NCOR2: variants seen among roughly 807,000 people sequenced by gnomAD.
NCOR2 encodes the protein CTG repeat protein 26.
In NCOR2, 81 loss-of-function variants were observed where a neutral mutation model predicts 262.9. The observed-to-expected ratio is 0.31, with a 90% CI of 0.26 to 0.37. The LOEUF is 0.37. Ranked by LOEUF, NCOR2 falls within the 10% of genes least tolerant of loss-of-function variation. The pLI is 1.00. For synonymous variants in NCOR2, 1,659 were observed against 1,559.3 expected, an observed-to-expected ratio of 1.06 and a Z score of -1.51; for missense variants, 3,385 against 3,621.4, an observed-to-expected ratio of 0.93 and a Z score of 1.68.
intron 17 of NCOR2, among the ~76,000 whole-genome samples, chr12:124,379,154 G>A (rs2040232666): frequency 6.6e-6 from 1 of 151,898 alleles, no homozygotes; most frequent in Admixed American, 6.5e-5. Context: ...AGTGGCAGGT[G>A]CGGGGAGTCA....
intron 3 of NCOR2, among the ~76,000 whole-genome samples, chr12:124,480,103 C>G (rs551124179): frequency 6.6e-6 from 1 of 152,200 alleles, no homozygotes; most frequent in African/African-American, 2.4e-5. Flanking sequence ...AGGGGTCAAC[C>G]ATTCAATCCA....
intron 5 of NCOR2, among the ~76,000 whole-genome samples, chr12:124,463,425 T>C (rs1374853175): frequency 6.6e-6 from 1 of 152,244 alleles, no homozygotes; most frequent in Non-Finnish European, 1.5e-5. Context: ...GCTCTCAGGC[T>C]GCAGCCACCC....
chr12:124,370,040 CAT>C (rs1194842594), intron 20 of NCOR2, among the ~76,000 whole-genome samples: 3 of 152,310 alleles, frequency 2.0e-5, no homozygotes, highest in East Asian at 3.9e-4. Context: ...AAGGCAGAAA[CAT>C]GTGTTTCTAT....
At chr12:124,374,107 TG>T (rs1269857622) in intron 19 of NCOR2, among the ~76,000 whole-genome samples, 3 of 152,082 alleles carry the variant, frequency 2.0e-5, no homozygotes, top group Non-Finnish European at 4.4e-5. Flanking sequence ...TTCTGTAAAA[TG>T]GGGATACTTG....
At chr12:124,526,268 C>G (rs1238326700) in intron 1 of NCOR2, among the ~76,000 whole-genome samples, 5 of 152,160 alleles carry the variant, frequency 3.3e-5, no homozygotes, top group Admixed American at 6.5e-5. Flanking sequence ...GCAGGGAGAG[C>G]CCCAAACCCC....
At chr12:124,450,066 C>T (rs2045424612) in intron 6 of NCOR2, among the ~76,000 whole-genome samples, 199 bp from the exon 9 acceptor site, 1 of 152,206 alleles carries the variant, frequency 6.6e-6, no homozygotes, top group South Asian at 2.1e-4. Flanking sequence ...TCCTCGGGAA[C>T]AGCTGTGGGT....
chr12:124,333,887 TGTGTGTGTGCGCGCGCATGTGTGCGG>T (rs1341648079), intron 41 of NCOR2, among the ~76,000 whole-genome samples: 2 of 10,118 alleles, frequency 2.0e-4, no homozygotes, highest in Non-Finnish European at 1.1e-3. Context: ...CGGGTGTGCA[TGTGTGTGTGCGCGCGCATGTGTGCGG>T]GTGTGCATGT....
intron 37 of NCOR2, 95 bp downstream of exon 39, chr12:124,339,911 C>CAAA: frequency 1.7e-5 from 19 of 1,090,152 alleles, no homozygotes; most frequent in East Asian, 2.6e-5. Context: ...ACCCACCTCC[C>CAAA]ATATACCTCC....
intron 18 of NCOR2, among the ~76,000 whole-genome samples, chr12:124,377,747 G>T (rs957121674): frequency 5.3e-5 from 8 of 151,202 alleles, no homozygotes; most frequent in Non-Finnish European, 1.0e-4. Context: ...GCTGAGGCAG[G>T]AGAATTGCTT....
At chr12:124,479,487 AC>A (rs2047308445) in intron 3 of NCOR2, among the ~76,000 whole-genome samples, 1 of 151,122 alleles carries the variant, frequency 6.6e-6, no homozygotes, top group East Asian at 2.0e-4. Context: ...AGGGACACAC[AC>A]AGGCACATGC....
At chr12:124,474,589 C>T (rs1327168946) in intron 3 of NCOR2, among the ~76,000 whole-genome samples, 1 of 152,150 alleles carries the variant, frequency 6.6e-6, no homozygotes, top group Non-Finnish European at 1.5e-5. Flanking sequence ...GTTCAAATCC[C>T]AGCCCCCTCT....
chr12:124,357,812 G>A (rs545014710), intron 22 of NCOR2, among the ~76,000 whole-genome samples: 18 of 147,076 alleles, frequency 1.2e-4, no homozygotes, highest in Admixed American at 4.9e-4. Context: ...GTGTGTGCGC[G>A]CACGCGCGTG....
chr12:124,499,566 T>C (rs1630069), upstream of NCOR2, among the ~76,000 whole-genome samples: 31,744 of 152,110 alleles, frequency 0.21, 3,758 homozygotes, highest in East Asian at 0.35. Flanking sequence ...GAGCGCCAGC[T>C]GGTGGGGGGT....
Position 124,340,758 on chromosome 12 carries a change from G to T in NCOR2, c.5189-7C>A. 6.5e-7 allele frequency: 1 copy of T among 1,532,502 alleles called. No homozygotes were observed. The allele number at this position is 1,532,502 out of a possible 1,614,324, so 94.9% of individuals were successfully genotyped here. ...TGGGACAGGTCGATGATGCCTGCGG[G>T]AGGTGTTGGGCCAGGGCTGTAGCCA... is the stretch of plus-strand genomic sequence containing the variant. On this transcript the variant is annotated splice_polypyrimidine_tract_variant and splice_region_variant and intron_variant, in intron 34 of 46. Coordinates refer to ENST00000405201, the Ensembl canonical transcript of NCOR2.
intron 3 of NCOR2, among the ~76,000 whole-genome samples, chr12:124,478,086 G>A (rs1399670076): frequency 5.3e-5 from 8 of 152,190 alleles, no homozygotes; most frequent in East Asian, 3.9e-4. Flanking sequence ...CTAGAAATGC[G>A]GAGAGGAGGA....
At chr12:124,551,786 G>A (rs371856209) in intron 1 of NCOR2, among the ~76,000 whole-genome samples, 18 of 152,262 alleles carry the variant, frequency 1.2e-4, no homozygotes, top group South Asian at 1.0e-3. Context: ...GGAAGGAGGC[G>A]CGGGCCGTTT....
upstream of NCOR2, chr12:124,538,958 C>A (rs867815325): frequency 6.6e-6 from 1 of 152,334 alleles, no homozygotes; most frequent in Non-Finnish European, 1.5e-5. Flanking sequence ...GGCCACGTGG[C>A]AAGGAAGGGA....
intron 3 of NCOR2, among the ~76,000 whole-genome samples, chr12:124,476,369 C>T (rs995789643): frequency 6.6e-5 from 10 of 152,154 alleles, no homozygotes; most frequent in Admixed American, 4.6e-4. Flanking sequence ...ACCCAGAGCC[C>T]GGTCGCACTA....
At chr12:124,327,313 C>T in intron 45 of NCOR2, 96 bp downstream of exon 47, 2 of 1,016,000 alleles carry the variant, frequency 2.0e-6, no homozygotes, top group Non-Finnish European at 2.8e-6. Context: ...AGCTCCAAAG[C>T]TCGAGGAGGG....
Sources: gnomAD v4.1 joint callset for allele counts (sites outside exome capture counted in the v4.1 genomes callset) on GRCh38, gnomAD v4.1.1 for gene constraint, MANE v1.5 for transcripts, NCBI Gene and HGNC (gene_info 2026-07-23, HGNC 2026-07-21) for gene names.